PKP1: variants seen among roughly 807,000 people sequenced by gnomAD.
The protein encoded by PKP1 is plakophilin-1.
In PKP1, 27 loss-of-function variants were observed where a neutral mutation model predicts 76.4. The ratio of observed to expected loss-of-function variants is 0.35; its 90% CI spans 0.26 to 0.49. The LOEUF (loss-of-function observed/expected upper bound fraction) is 0.49, where lower values mean the gene tolerates loss of function less well. PKP1 is among the 20% of genes least tolerant of loss of function. PKP1 has a pLI of 0.99. For missense variants in PKP1, 964 were observed against 955.2 expected (o/e 1.01, Z -0.12); for synonymous variants, 404 against 384.2 (o/e 1.05, Z -0.60).
chr1:201,315,008 T>C (rs1355177013), intron 3 of PKP1, among the ~76,000 whole-genome samples: 1 of 152,258 alleles, frequency 6.6e-6, no homozygotes, highest in African/African-American at 2.4e-5. Context: ...TCTTCCCTAC[T>C]GGTACCACAC....
intron 3 of PKP1, among the ~76,000 whole-genome samples, chr1:201,315,265 G>T (rs1237074742): frequency 1.3e-5 from 2 of 152,220 alleles, no homozygotes; most frequent in East Asian, 1.9e-4. Flanking sequence ...TGAATGCAGG[G>T]TGACATTCTC....
chr1:201,314,108 G>A (rs140738012), intron 3 of PKP1, among the ~76,000 whole-genome samples: 67 of 152,286 alleles, frequency 4.4e-4, no homozygotes, highest in African/African-American at 7.9e-4. Flanking sequence ...TTCAGGTTAC[G>A]TTATAAGACA....
chr1:201,308,148 G>A (rs886245567), intron 2 of PKP1, among the ~76,000 whole-genome samples: 12 of 152,218 alleles, frequency 7.9e-5, no homozygotes, highest in Admixed American at 4.6e-4. Flanking sequence ...CAGGTCAAGC[G>A]GTAAAGGGAA....
chr1:201,291,087 G>T (rs1655902103), intron 1 of PKP1, among the ~76,000 whole-genome samples: 1 of 152,144 alleles, frequency 6.6e-6, no homozygotes, highest in Non-Finnish European at 1.5e-5. Flanking sequence ...GTACTCCTTG[G>T]TTATCTGGCA....
intron 4 of PKP1, 58 bp from the exon 5 acceptor site, chr1:201,317,514 A>C (rs1425551910): frequency 7.0e-7 from 1 of 1,437,992 alleles, no homozygotes; most frequent in Non-Finnish European, 9.8e-7. Context: ...TGAGTAGAGA[A>C]TAACTAGATC....
rs1794868 is a variant in PKP1 at position 201,318,879 on chromosome 1, G to A, written c.1232+84G>A. The A allele has an allele frequency of 0.88, 1,019,192 of 1,154,750 alleles. 454,783 individuals are homozygous for A. Among genetic ancestry groups the A allele is most frequent in the East Asian group, 0.97 (38,161 of 39,158 alleles). 71.5% of individuals were successfully genotyped at this position (1,154,750 alleles called of 1,614,324 possible). Reference sequence around the variant, plus strand: ...GCCCCATCTCAGCCAACATTCAGCCGGTGCATAGAACATAACAGACAACCC... The same window carrying A: ...GCCCCATCTCAGCCAACATTCAGCCAGTGCATAGAACATAACAGACAACCC... On this transcript the variant is annotated intron_variant, in intron 6 of 13. Coordinates refer to ENST00000367324, the MANE Select transcript of PKP1 (RefSeq NM_001005337.3).
Position 201,317,579 on chromosome 1 carries a change from A to G in PKP1, c.854A>G (p.Gln285Arg), listed in dbSNP as rs755470231. The change falls in exon 5 of 14, where the codon CAG becomes CGG. Residue 285 changes from glutamine (Q) to arginine (R), a missense_variant. Gln to Arg is a conservative substitution (Grantham distance 43). Transcript: ENST00000367324. ...QDESAKQQVY[Q>R]LGGICKLVDL... is the part of the protein sequence containing the mutation. ...GCAACTCTTTCCTGGCAGGTCTATC[A>G]GCTGGGAGGCATCTGCAAGCTGGTG... is the stretch of plus-strand genomic sequence containing the variant. 1 of 1,613,748 alleles carries G rather than the reference A, an allele frequency of 6.2e-7. No homozygotes were observed. Among genetic ancestry groups the G allele is most frequent in the East Asian group, 2.2e-5 (1 of 44,852 alleles).
intron 1 of PKP1, 122 bp from the exon 2 acceptor site, chr1:201,293,820 G>A (rs1279200916): frequency 2.8e-6 from 2 of 721,172 alleles, no homozygotes; most frequent in East Asian, 2.7e-5. Context: ...TCTCCTCCAG[G>A]AGCTCAGACC....
Position 201,324,494 on chromosome 1 carries a change from C to T in PKP1, c.1747C>T (p.Leu583=), listed in dbSNP as rs369918615. Residue 583 remains leucine (L), a synonymous_variant, in exon 10 of 14, where the codon CTG becomes TTG. Coordinates refer to ENST00000367324, the MANE Select transcript of PKP1 (RefSeq NM_001005337.3). ...GGGCCTGCCACAAATTGCCCGCCTC[C>T]TGCAATCTGGCAACTCTGATGTGGT... ...EKGLPQIARL[L]QSGNSDVVRS... 7.0e-5 allele frequency: 113 copies of T among 1,614,044 alleles called. No individual in the cohort carries two copies. In the Middle Eastern group the frequency reaches 9.9e-4, roughly 14 times the overall value.
chr1:201,292,394 C>T (rs1469379715), intron 1 of PKP1, among the ~76,000 whole-genome samples: 2 of 152,268 alleles, frequency 1.3e-5, no homozygotes, highest in East Asian at 1.9e-4. Flanking sequence ...ATATCAACAC[C>T]GCTAGGCCCC....
chr1:201,298,426 G>T (rs1267295976), intron 2 of PKP1, among the ~76,000 whole-genome samples: 2 of 152,112 alleles, frequency 1.3e-5, no homozygotes, highest in Admixed American at 6.5e-5. Context: ...AGCTCCAAAG[G>T]GTTTACTTAT....
At chr1:201,314,562 A>G (rs543757971) in intron 3 of PKP1, among the ~76,000 whole-genome samples, 75 of 152,346 alleles carry the variant, frequency 4.9e-4, no homozygotes, top group African/African-American at 1.8e-3. Context: ...TCCTGTGCAT[A>G]CATGTGGAAG....
intron 2 of PKP1, among the ~76,000 whole-genome samples, chr1:201,298,970 G>A (rs1656145665): frequency 6.6e-6 from 1 of 152,212 alleles, no homozygotes; most frequent in African/African-American, 2.4e-5. Flanking sequence ...GGATGGGAAA[G>A]CCAAGCACAG....
chr1:201,290,133 A>G (rs934783748), intron 1 of PKP1, among the ~76,000 whole-genome samples: 1 of 152,216 alleles, frequency 6.6e-6, no homozygotes. Context: ...AAAGGGAAGC[A>G]GTGTGCCAGG....
intron 1 of PKP1, 76 bp downstream of exon 1, chr1:201,283,980 G>A: frequency 1.5e-6 from 2 of 1,340,916 alleles, no homozygotes; most frequent in Non-Finnish European, 2.1e-6. Flanking sequence ...ACCAAGAGAC[G>A]CACGCATCCC....
chr1:201,319,449 A>G (rs1001003726), intron 6 of PKP1, among the ~76,000 whole-genome samples: 1 of 152,176 alleles, frequency 6.6e-6, no homozygotes, highest in African/African-American at 2.4e-5. Context: ...TGTCTTTCCC[A>G]ACTCCTGAGA....
Position 201,318,464 on chromosome 1 carries a change from A to G in PKP1, c.1055-154A>G, listed in dbSNP as rs1471546091. On this transcript the variant is annotated intron_variant, in intron 5 of 13. Coordinates refer to ENST00000367324, the MANE Select transcript of PKP1 (RefSeq NM_001005337.3). ...TGGGGCATTGAGAAATAGCCTCATGACACAGACAGACAATAGGTTCTACAG... is the reference window on the plus strand; with the variant it reads ...TGGGGCATTGAGAAATAGCCTCATGGCACAGACAGACAATAGGTTCTACAG... Among the ~76,000 whole-genome samples the G allele has an allele frequency of 2.0e-5, 3 of 152,318 alleles. No individual in the cohort carries two copies. In the East Asian group the frequency reaches 5.8e-4, roughly 29 times the overall value.
At position 201,283,860 on chromosome 1, in the gene PKP1, A is replaced by G. The variant is rs199797410; in HGVS notation, c.158A>G (p.Lys53Arg). The G allele has an allele frequency of 6.2e-7, 1 of 1,614,174 alleles. No homozygotes were observed. The highest frequency in any genetic ancestry group is 2.2e-5 in the East Asian group (1 of 44,880). The change falls in exon 1 of 14, where the codon AAG becomes AGG. Residue 53 changes from lysine to arginine, a missense_variant. Transcript: ENST00000367324. ...EQVMMTVKRQKSKSSQSSTLS... is the reference protein window; with the variant it reads ...EQVMMTVKRQRSKSSQSSTLS... ...GTGATGATGACCGTCAAGCGGCAGAAGTCCAAGTCTTCCCAGTCGTCCACC... is the reference window on the plus strand; with the variant it reads ...GTGATGATGACCGTCAAGCGGCAGAGGTCCAAGTCTTCCCAGTCGTCCACC...
chr1:201,302,305 C>A (rs1263995999), intron 2 of PKP1, among the ~76,000 whole-genome samples: 1 of 152,066 alleles, frequency 6.6e-6, no homozygotes, highest in African/African-American at 2.4e-5. Flanking sequence ...TCTGGCAGAA[C>A]TGAGTCTGGA....
Sources: gnomAD v4.1 joint callset for allele counts (sites outside exome capture counted in the v4.1 genomes callset) on GRCh38, gnomAD v4.1.1 for gene constraint, MANE v1.5 for transcripts, NCBI Gene and HGNC (gene_info 2026-07-23, HGNC 2026-07-21) for gene names.